The following TENM2 variants were observed in gnomAD, a reference collection of about 807,000 sequenced individuals.
TENM2 encodes teneurin-2.
A neutral mutation model predicts 245.2 loss-of-function variants in TENM2; 52 were observed. The observed-to-expected ratio is 0.21, with a 90% confidence interval of 0.17 to 0.27. The LOEUF is 0.27. TENM2 is among the 10% of genes least tolerant of loss of function. The pLI, the probability that TENM2 is intolerant of heterozygous loss-of-function variation, is 1.00. For missense variants in TENM2, 3,046 were observed against 3,666.8 expected, an observed-to-expected ratio of 0.83 and a Z score of 4.37; for synonymous variants, 1,363 against 1,438.9, an observed-to-expected ratio of 0.95 and a Z score of 1.19.
At chr5:167,325,616 C>T (rs1757032298) in intron 1 of TENM2, among the ~76,000 whole-genome samples, 1 of 152,200 alleles carries the variant, frequency 6.6e-6, no homozygotes, top group Non-Finnish European at 1.5e-5. Context: ...TTTAGAAATG[C>T]TCCTAATTAT....
At chr5:167,308,018 A>T (rs1468443843) in intron 1 of TENM2, 1 of 152,358 alleles carries the variant, frequency 6.6e-6, no homozygotes, top group Non-Finnish European at 1.5e-5. Context: ...CCTTGCCTAG[A>T]CCTCTTCATC....
chr5:167,914,992 G>C (rs534834047), intron 3 of TENM2, among the ~76,000 whole-genome samples: 2 of 152,252 alleles, frequency 1.3e-5, no homozygotes, highest in Non-Finnish European at 2.9e-5. Flanking sequence ...GGTCCTAGGG[G>C]TTAGGACATC....
At chr5:167,531,802 C>A (rs1007457800) in intron 2 of TENM2, among the ~76,000 whole-genome samples, 3 of 152,088 alleles carry the variant, frequency 2.0e-5, no homozygotes, top group African/African-American at 7.2e-5. Context: ...TTGTAGCTTT[C>A]TTGTAATAAA....
chr5:167,081,850 T>C, the TENM2 span, among the ~76,000 whole-genome samples: 4 of 152,222 alleles, frequency 2.6e-5, no homozygotes, highest in South Asian at 2.1e-4. Flanking sequence ...TTTTTCCTAC[T>C]TACTGAGTCC....
rs148194136 is a variant in TENM2, at chr5:167,696,305, C to T, written c.503-179681C>T. 5.9e-5 allele frequency among the ~76,000 whole-genome samples: 9 copies of T among 152,178 alleles called. No individual in the cohort carries two copies. The East Asian group carries it at 1.5e-3, about 26-fold the overall frequency. On this transcript the variant is annotated intron_variant, in intron 2 of 28. Coordinates refer to ENST00000518659, the Ensembl canonical transcript of TENM2. ...ATATTATAAAAATTTAAAAAGAGCC[C>T]CTGATGAAACATACACATTTCCTCT...
intron 2 of TENM2, among the ~76,000 whole-genome samples, chr5:167,545,606 TAAAAAAG>T (rs1772510132): frequency 2.0e-5 from 3 of 152,126 alleles, no homozygotes; most frequent in Admixed American, 6.6e-5. Flanking sequence ...TCAAATACAA[TAAAAAAG>T]GCATTAACAA....
At chr5:167,103,476 C>G in the TENM2 span, among the ~76,000 whole-genome samples, 1 of 152,204 alleles carries the variant, frequency 6.6e-6, no homozygotes, top group Non-Finnish European at 1.5e-5. Flanking sequence ...GATCACAGAG[C>G]AGAAGCTCAT....
intron 25 of TENM2, among the ~76,000 whole-genome samples, chr5:168,239,113 TG>T (rs907072124): frequency 5.1e-4 from 78 of 152,194 alleles, no homozygotes; most frequent in African/African-American, 1.7e-3. Flanking sequence ...TGCTCTAAAC[TG>T]GGGGGGCAGG....
intron 2 of TENM2, among the ~76,000 whole-genome samples, chr5:167,706,797 G>A (rs1273129448): frequency 6.6e-6 from 1 of 151,736 alleles, no homozygotes; most frequent in African/African-American, 2.4e-5. Flanking sequence ...GGTGGATCAC[G>A]AGGTCAGGAG....
At chr5:167,967,147 C>G (rs1345179801) in intron 4 of TENM2, 2 of 152,060 alleles carry the variant, frequency 1.3e-5, no homozygotes, top group Non-Finnish European at 2.9e-5. Flanking sequence ...AATGAGAGAC[C>G]AGGCTGTGTC....
At chr5:167,869,999 A>T (rs1196218320) in intron 2 of TENM2, among the ~76,000 whole-genome samples, 2 of 152,266 alleles carry the variant, frequency 1.3e-5, no homozygotes, top group Admixed American at 6.5e-5. Context: ...TAGATACTTT[A>T]GTCAAGCATC....
At chr5:167,129,374 T>C in the TENM2 span, among the ~76,000 whole-genome samples, 39 of 152,250 alleles carry the variant, frequency 2.6e-4, 1 homozygote, top group South Asian at 7.5e-3. Flanking sequence ...ATATGAGAGA[T>C]AGGCAGTGCA....
chr5:167,349,289 G>A (rs1758670402), intron 1 of TENM2, among the ~76,000 whole-genome samples: 1 of 152,130 alleles, frequency 6.6e-6, no homozygotes, highest in South Asian at 2.1e-4. Flanking sequence ...GCTATAGTCT[G>A]TATGTCTGAA....
At position 167,487,105 on chromosome 5, in the gene TENM2, G is replaced by C. The variant is rs115814226; in HGVS notation, c.502+111632G>C. Among the ~76,000 whole-genome samples, 54 of 152,190 alleles carry C rather than the reference G, an allele frequency of 3.5e-4. No homozygotes were observed. In the East Asian group the frequency reaches 8.3e-3, roughly 23 times the overall value. The stretch of plus-strand genomic sequence containing the variant: ...GGCATCTTGTTTTACATAATGGTGC[G>C]GTATAGTGGTCTGTGGAGATTTTCT... On this transcript the variant is annotated intron_variant, in intron 2 of 28. Transcript: ENST00000518659.
chr5:167,111,076 G>A, the TENM2 span, among the ~76,000 whole-genome samples: 1 of 152,130 alleles, frequency 6.6e-6, no homozygotes, highest in South Asian at 2.1e-4. Flanking sequence ...CTAACAAAAA[G>A]CACTGAATTT....
chr5:168,185,452 GATC>G (rs1412264854), intron 13 of TENM2, among the ~76,000 whole-genome samples: 1 of 151,992 alleles, frequency 6.6e-6, no homozygotes, highest in Admixed American at 6.6e-5. Flanking sequence ...CTACCATCGT[GATC>G]ATCATCATCA....
intron 2 of TENM2, among the ~76,000 whole-genome samples, chr5:167,445,712 G>T (rs536329083): frequency 6.0e-4 from 91 of 152,256 alleles, no homozygotes; most frequent in African/African-American, 2.2e-3. Flanking sequence ...AGAGTCCACA[G>T]CCTGTGGTTT....
intron 2 of TENM2, among the ~76,000 whole-genome samples, chr5:167,866,539 C>G (rs1054165818): frequency 6.6e-6 from 1 of 150,964 alleles, no homozygotes; most frequent in Non-Finnish European, 1.5e-5. Context: ...AAAGAGAGAG[C>G]ACCTTCCATG....
At chr5:168,110,765 T>C (rs1794613723) in intron 9 of TENM2, among the ~76,000 whole-genome samples, 1 of 152,224 alleles carries the variant, frequency 6.6e-6, no homozygotes. Flanking sequence ...ATATTCATTA[T>C]GTAATTAATG....
Sources: gnomAD v4.1 joint callset for allele counts (sites outside exome capture counted in the v4.1 genomes callset) on GRCh38, gnomAD v4.1.1 for gene constraint, MANE v1.5 for transcripts, NCBI Gene and HGNC (gene_info 2026-07-23, HGNC 2026-07-21) for gene names.